Variants in MED12L observed in about 807,000 individuals in gnomAD.
The protein encoded by MED12L is mediator of RNA polymerase II transcription subunit 12-like protein.
In MED12L, 60 loss-of-function variants were observed where a neutral mutation model predicts 281.3. The observed-to-expected ratio is 0.21, with a 90% CI of 0.17 to 0.26. The LOEUF (loss-of-function observed/expected upper bound fraction) is 0.26. Among genes scored for constraint, MED12L ranks in the 10% least tolerant of loss-of-function variants. MED12L has a pLI of 1.00. For missense variants in MED12L, 2,146 were observed against 2,680.9 expected, an observed-to-expected ratio of 0.80 and a Z score of 4.41; for synonymous variants, 974 against 987.2, an observed-to-expected ratio of 0.99 and a Z score of 0.25.
rs1224907984 is a variant in MED12L, at chr3:151,193,480, C to A, written c.2074-10C>A. ...TTTACAATCTCCAACATTTGTTTTA[C>A]ATGACTTAGATTTTTTCTCCTATGC... is the stretch of plus-strand genomic sequence containing the variant. On this transcript the variant is annotated splice_polypyrimidine_tract_variant and intron_variant, in intron 15 of 44. Transcript: ENST00000687756. 1 of 1,606,378 alleles carries A rather than the reference C, an allele frequency of 6.2e-7. No individual in the cohort carries two copies.
chr3:151,318,010 TTA>T (rs1335089767), intron 16 of MED12L, among the ~76,000 whole-genome samples: 11 of 152,310 alleles, frequency 7.2e-5, no homozygotes, highest in Non-Finnish European at 1.5e-4. Context: ...TTGATTTTCC[TTA>T]TGTTTTTACA....
intron 43 of MED12L, among the ~76,000 whole-genome samples, chr3:151,416,656 T>C (rs60356898): frequency 0.015 from 2,345 of 152,340 alleles, 35 homozygotes; most frequent in African/African-American, 0.036. Context: ...TCAAAATTTT[T>C]CGGACTGTTC....
At chr3:151,100,940 C>T (rs764634329) in intron 2 of MED12L, among the ~76,000 whole-genome samples, 14 of 152,034 alleles carry the variant, frequency 9.2e-5, no homozygotes, top group South Asian at 8.3e-4. Flanking sequence ...ATAACTGTGG[C>T]GAAGGATCAG....
chr3:151,234,853 C>G (rs1272793481), intron 16 of MED12L, among the ~76,000 whole-genome samples: 1 of 152,182 alleles, frequency 6.6e-6, no homozygotes, highest in Non-Finnish European at 1.5e-5. Context: ...CCATCACTCT[C>G]CTGGTGGGTA....
chr3:151,367,243 G>T (rs940281100), intron 23 of MED12L, among the ~76,000 whole-genome samples: 3 of 152,160 alleles, frequency 2.0e-5, no homozygotes, highest in African/African-American at 7.2e-5. Flanking sequence ...AGTGAGGCTT[G>T]TTTTTCAACT....
Position 151,372,563 on chromosome 3 carries a change from T to C in MED12L, c.3665-4T>C. 2 of 1,613,004 alleles carry C rather than the reference T, an allele frequency of 1.2e-6. No homozygotes were observed. The highest frequency in any genetic ancestry group is 1.7e-6 in the Non-Finnish European group (2 of 1,179,164). On this transcript the variant is annotated splice_region_variant and splice_polypyrimidine_tract_variant and intron_variant, in intron 26 of 44. Transcript: ENST00000687756. ...GATTTTGCTTTTGTGATTCTATTAC[T>C]TAGGAGATGCCAAAATTGGCAATAA...
intron 28 of MED12L, 72 bp from the exon 29 acceptor site, chr3:151,376,728 G>A: frequency 8.3e-7 from 1 of 1,200,530 alleles, no homozygotes; most frequent in Non-Finnish European, 1.2e-6. Context: ...GAGAGAAGGA[G>A]TACTGTAAGA....
intron 5 of MED12L, among the ~76,000 whole-genome samples, chr3:151,147,751 T>G (rs1560093934): frequency 6.6e-6 from 1 of 152,248 alleles, no homozygotes; most frequent in Non-Finnish European, 1.5e-5. Flanking sequence ...TTTATTTATC[T>G]GGGTATCAGC....
chr3:151,095,369 G>A (rs1022085245), intron 2 of MED12L, among the ~76,000 whole-genome samples: 15 of 152,150 alleles, frequency 9.9e-5, no homozygotes, highest in Non-Finnish European at 1.6e-4. Context: ...ATATAGTCTT[G>A]CTCTGTCACC....
chr3:151,164,934 A>C (rs922602513), intron 9 of MED12L, among the ~76,000 whole-genome samples: 2 of 152,080 alleles, frequency 1.3e-5, no homozygotes, highest in African/African-American at 4.8e-5. Context: ...GCACACCAAC[A>C]TGGCGCATGT....
intron 16 of MED12L, among the ~76,000 whole-genome samples, chr3:151,349,782 A>AT (rs1235105159): frequency 5.3e-5 from 8 of 152,168 alleles, no homozygotes; most frequent in Non-Finnish European, 8.8e-5. Flanking sequence ...AAGTTTTTCA[A>AT]TAGCCAAAAC....
At chr3:151,219,237 T>C (rs1462157020) in intron 16 of MED12L, among the ~76,000 whole-genome samples, 2 of 152,232 alleles carry the variant, frequency 1.3e-5, no homozygotes, top group Non-Finnish European at 2.9e-5. Context: ...TTGTCATGTA[T>C]TACAGATAAC....
intron 16 of MED12L, among the ~76,000 whole-genome samples, chr3:151,325,754 CT>C (rs1749522226): frequency 6.6e-6 from 1 of 152,108 alleles, no homozygotes; most frequent in Non-Finnish European, 1.5e-5. Context: ...AAATTGTATA[CT>C]TTAGGTGTAC....
chr3:151,401,433 T>C (rs1715670251), intron 39 of MED12L, among the ~76,000 whole-genome samples: 2 of 152,204 alleles, frequency 1.3e-5, no homozygotes, highest in African/African-American at 2.4e-5. Context: ...ATGAGCATTT[T>C]TCTTTCTCCA....
intron 16 of MED12L, among the ~76,000 whole-genome samples, chr3:151,321,475 A>G (rs1452417515): frequency 6.6e-6 from 1 of 152,202 alleles, no homozygotes; most frequent in Non-Finnish European, 1.5e-5. Context: ...CATTATGTGT[A>G]TATATGATAT....
intron 25 of MED12L, among the ~76,000 whole-genome samples, chr3:151,368,929 T>A (rs891827781): frequency 6.6e-6 from 1 of 151,582 alleles, no homozygotes. Context: ...GCCTGGCAAA[T>A]TTTTGTATTT....
At chr3:151,355,338 C>A in intron 18 of MED12L, 99 bp downstream of exon 18, 1 of 713,482 alleles carries the variant, frequency 1.4e-6, no homozygotes, top group Non-Finnish European at 2.4e-6. Flanking sequence ...TGGTTTTAGA[C>A]ATATATTTTA....
chr3:151,272,145 A>G (rs923889218), intron 16 of MED12L, among the ~76,000 whole-genome samples: 1 of 152,206 alleles, frequency 6.6e-6, no homozygotes, highest in Non-Finnish European at 1.5e-5. Context: ...TGTGTACCAC[A>G]TGAGCTTGCA....
At chr3:151,089,805 C>T (rs1315025960) in intron 2 of MED12L, among the ~76,000 whole-genome samples, 1 of 152,078 alleles carries the variant, frequency 6.6e-6, no homozygotes, top group Non-Finnish European at 1.5e-5. Context: ...ACTTTGCTTC[C>T]TACAAACAGA....
Sources: gnomAD v4.1 joint callset for allele counts (sites outside exome capture counted in the v4.1 genomes callset) on GRCh38, gnomAD v4.1.1 for gene constraint, MANE v1.5 for transcripts, NCBI Gene and HGNC (gene_info 2026-07-23, HGNC 2026-07-21) for gene names.